TFDP2: variants seen among roughly 807,000 people sequenced by gnomAD.
TFDP2 encodes transcription factor Dp-2, also known as transcription factor Dp-2 (E2F dimerization partner 2).
A neutral mutation model predicts 59.3 loss-of-function variants in TFDP2; 17 were observed. That is an observed-to-expected ratio of 0.29 (90% confidence interval 0.20 to 0.43). The LOEUF is 0.43. Among genes scored for constraint, TFDP2 ranks in the 20% least tolerant of loss-of-function variants. The pLI, the probability that TFDP2 is intolerant of heterozygous loss-of-function variation, is 1.00. For synonymous variants in TFDP2, 180 were observed against 194.7 expected (o/e 0.92, Z 0.63); for missense variants, 391 against 528.8 (o/e 0.74, Z 2.56).
chr3:142,114,814 G>C (rs1032850561), intron 1 of TFDP2, among the ~76,000 whole-genome samples: 3 of 152,002 alleles, frequency 2.0e-5, no homozygotes, highest in Non-Finnish European at 2.9e-5. Context: ...AGAACCTAAT[G>C]ATATTTGTAC....
intron 9 of TFDP2, among the ~76,000 whole-genome samples, chr3:141,968,346 CT>C (rs1559936631): frequency 0.033 from 3,239 of 99,464 alleles, 248 homozygotes; most frequent in Non-Finnish European, 0.052. Flanking sequence ...TAATATATAA[CT>C]ATATATAACA....
intron 1 of TFDP2, among the ~76,000 whole-genome samples, chr3:142,138,291 T>A (rs1159905216): frequency 6.6e-6 from 1 of 152,206 alleles, no homozygotes; most frequent in Non-Finnish European, 1.5e-5. Context: ...TAGCGGTCTA[T>A]CAATTTTGTT....
intron 3 of TFDP2, among the ~76,000 whole-genome samples, chr3:142,057,037 A>C (rs2059770820): frequency 6.6e-6 from 1 of 152,198 alleles, no homozygotes; most frequent in African/African-American, 2.4e-5. Context: ...TTAGAGGAGA[A>C]CTGTGTTTCT....
At position 141,968,858 on chromosome 3, in the gene TFDP2, CAT is replaced by C. The variant is rs1346423019; in HGVS notation, c.732+1213_732+1214del. ...ATCTCATATATATAGATATATATAA[CAT>C]ATATATCTCATATATATAGATATAT... On this transcript the variant is annotated intron_variant, in intron 9 of 12. Transcript: ENST00000489671. 6.4e-4 allele frequency among the ~76,000 whole-genome samples: 45 copies of C among 70,836 alleles called. 3 individuals are homozygous for C. Among genetic ancestry groups the C allele is most frequent in the South Asian group, 6.3e-3 (16 of 2,536 alleles). 46.5% of individuals were successfully genotyped at this position (70,836 alleles called of 152,430 possible). A position where few individuals can be genotyped will look rare whatever the true frequency, so the allele number is the denominator to read the frequency against.
At chr3:141,953,324 G>A (rs931657203) in intron 11 of TFDP2, among the ~76,000 whole-genome samples, 2 of 152,150 alleles carry the variant, frequency 1.3e-5, no homozygotes, top group African/African-American at 4.8e-5. Flanking sequence ...CACAGCCCAT[G>A]GGATACATCC....
In TFDP2 at chr3:142,027,349, C is replaced by G. The variant is rs1344863845; in HGVS notation, c.83-21805G>C. 3.3e-5 allele frequency among the ~76,000 whole-genome samples: 5 copies of G among 151,316 alleles called. No individual in the cohort carries two copies. In the East Asian group the frequency reaches 9.7e-4, roughly 29 times the overall value. On this transcript the variant is annotated intron_variant, in intron 3 of 12. Transcript: ENST00000489671. The stretch of plus-strand genomic sequence containing the variant: ...TTCACTGATTAAATCAGATTTATGA[C>G]CTCCTCTCTCCATTCCAGCTACTCT...
intron 4 of TFDP2, among the ~76,000 whole-genome samples, chr3:141,999,166 G>A (rs116265640): frequency 0.07 from 10,650 of 152,220 alleles, 473 homozygotes; most frequent in Non-Finnish European, 0.11. Flanking sequence ...TCCGCAGCCT[G>A]CTCAACGTGA....
chr3:142,061,490 A>C (rs916970377), intron 3 of TFDP2, among the ~76,000 whole-genome samples: 1 of 152,180 alleles, frequency 6.6e-6, no homozygotes, highest in African/African-American at 2.4e-5. Context: ...CATTTGAATC[A>C]GTAGAGTGAA....
chr3:141,953,013 A>G lies in TFDP2; in HGVS notation c.1055T>C (p.Ile352Thr). ...PKALEGYITD[I>T]STGPSWLNQG... The stretch of plus-strand genomic sequence containing the variant: ...ATTTAACCAAGAAGGTCCTGTGGAG[A>G]TATCTAAAGGAAAAAATGAGAACAA... Residue 352 changes from isoleucine to threonine, a missense_variant, in exon 12 of 13, where the codon ATC becomes ACC. Ile to Thr is a moderately conservative substitution (Grantham distance 89, BLOSUM62 -1). Coordinates refer to ENST00000489671, the MANE Select transcript of TFDP2 (RefSeq NM_001178139.2). The G allele has an allele frequency of 6.2e-7, 1 of 1,610,882 alleles. No homozygotes were observed. Among genetic ancestry groups the G allele is most frequent in the Non-Finnish European group, 8.5e-7 (1 of 1,177,798 alleles).
chr3:142,132,074 T>TA (rs933952568), intron 1 of TFDP2, among the ~76,000 whole-genome samples: 9 of 148,934 alleles, frequency 6.0e-5, no homozygotes, highest in Non-Finnish European at 1.2e-4. Context: ...ACCAAAATAG[T>TA]AAAAAAGTAT....
chr3:142,126,031 T>G (rs1577043044), intron 1 of TFDP2: 2 of 152,342 alleles, frequency 1.3e-5, no homozygotes, highest in African/African-American at 4.8e-5. Flanking sequence ...TGAAAAGACT[T>G]TGTTATATTG....
At chr3:141,963,132 C>T (rs1443520972) in intron 10 of TFDP2, among the ~76,000 whole-genome samples, 2 of 150,294 alleles carry the variant, frequency 1.3e-5, no homozygotes, top group Non-Finnish European at 3.0e-5. Context: ...CCTATATATA[C>T]TCTTAACTCT....
chr3:142,091,573 A>AT (rs1255395459), intron 3 of TFDP2, among the ~76,000 whole-genome samples: 1 of 152,026 alleles, frequency 6.6e-6, no homozygotes, highest in East Asian at 1.9e-4. Flanking sequence ...CACCAAAAAA[A>AT]AAATAAATAA....
At chr3:142,083,379 T>C (rs924049186) in intron 3 of TFDP2, among the ~76,000 whole-genome samples, 1 of 152,132 alleles carries the variant, frequency 6.6e-6, no homozygotes, top group African/African-American at 2.4e-5. Context: ...GGAAAGGTAT[T>C]CCATATTCAT....
chr3:142,024,986 C>T (rs1945956217), intron 3 of TFDP2, among the ~76,000 whole-genome samples: 1 of 150,478 alleles, frequency 6.6e-6, no homozygotes, highest in Non-Finnish European at 1.5e-5. Flanking sequence ...TGCCACTGCA[C>T]TCCAGCCCAG....
At chr3:142,119,788 C>T (rs780028128) in intron 1 of TFDP2, among the ~76,000 whole-genome samples, 4 of 152,200 alleles carry the variant, frequency 2.6e-5, no homozygotes, top group Non-Finnish European at 5.9e-5. Flanking sequence ...CAGCGGCTCA[C>T]GCCTGTAATC....
chr3:142,133,627 A>T (rs2062598035), intron 1 of TFDP2, among the ~76,000 whole-genome samples: 2 of 140,662 alleles, frequency 1.4e-5, no homozygotes, highest in Non-Finnish European at 2.9e-5. Context: ...CCTCCTAGGT[A>T]TCTGGGCTAC....
At chr3:141,965,842 A>C (rs1309967068) in intron 9 of TFDP2, among the ~76,000 whole-genome samples, 2 of 152,002 alleles carry the variant, frequency 1.3e-5, no homozygotes, top group Non-Finnish European at 2.9e-5. Flanking sequence ...TTGCTAAAAA[A>C]CGAATTCATT....
intron 3 of TFDP2, among the ~76,000 whole-genome samples, chr3:142,041,238 T>A (rs957417399): frequency 6.6e-6 from 1 of 152,250 alleles, no homozygotes; most frequent in Non-Finnish European, 1.5e-5. Context: ...TTGAAAGTAT[T>A]TTCTTCCAGT....
Sources: allele counts gnomAD v4.1 joint callset (sites outside exome capture counted in the v4.1 genomes callset), GRCh38; gene constraint gnomAD v4.1.1; transcripts MANE v1.5; gene names NCBI Gene and HGNC (gene_info 2026-07-23, HGNC 2026-07-21).